Variants in IL1RAPL1 observed in about 807,000 individuals in gnomAD.
IL1RAPL1 encodes interleukin 1 receptor accessory protein like 1.
In IL1RAPL1, 3 loss-of-function variants were observed where a neutral mutation model predicts 48.4. The ratio of observed to expected loss-of-function variants is 0.06; its 90% CI spans 0.03 to 0.16. IL1RAPL1 has a LOEUF of 0.16. Among genes scored for constraint, IL1RAPL1 ranks in the 10% least tolerant of loss-of-function variants. The pLI, the probability that IL1RAPL1 is intolerant of heterozygous loss-of-function variation, is 1.00. For synonymous variants in IL1RAPL1, 185 were observed against 187.7 expected (o/e 0.99, Z 0.12); for missense variants, 349 against 530.6 (o/e 0.66, Z 3.36).
chrX:29,316,054 C>T (rs1272812218), intron 3 of IL1RAPL1, among the ~76,000 whole-genome samples: 1 of 112,100 alleles, frequency 8.9e-6, no homozygotes, highest in East Asian at 2.8e-4. Flanking sequence ...ATGGCTAATA[C>T]CTGAGCCATT....
chrX:28,703,715 G>A (rs1225548706), intron 1 of IL1RAPL1, among the ~76,000 whole-genome samples: 1 of 111,721 alleles, frequency 9.0e-6, no homozygotes, highest in Non-Finnish European at 1.9e-5. Flanking sequence ...TCTCCCATTA[G>A]TGAGAGCAAA....
At chrX:29,839,767 T>TA (rs1234368175) in intron 6 of IL1RAPL1, among the ~76,000 whole-genome samples, 2 of 110,639 alleles carry the variant, frequency 1.8e-5, no homozygotes, top group Admixed American at 9.7e-5. Flanking sequence ...ATATTTTTTT[T>TA]AAAAATTAGC....
intron 2 of IL1RAPL1, among the ~76,000 whole-genome samples, chrX:28,814,701 T>G (rs779390444): frequency 1.8e-5 from 2 of 110,702 alleles, no homozygotes; most frequent in Non-Finnish European, 3.8e-5. Flanking sequence ...ATAGTTGGGT[T>G]AATATGTACA....
chrX:29,854,522 C>T (rs777959011), intron 6 of IL1RAPL1, among the ~76,000 whole-genome samples: 4 of 111,443 alleles, frequency 3.6e-5, no homozygotes, highest in Non-Finnish European at 7.5e-5. Flanking sequence ...TCAGAATTGA[C>T]AAGCCACCCA....
At chrX:29,459,520 C>T (rs1463937220) in intron 5 of IL1RAPL1, among the ~76,000 whole-genome samples, 1 of 110,918 alleles carries the variant, frequency 9.0e-6, no homozygotes, top group Admixed American at 9.6e-5. Context: ...AACAAGCGAG[C>T]GGATTGGAAG....
intron 1 of IL1RAPL1, among the ~76,000 whole-genome samples, chrX:28,776,135 A>G (rs753736592): frequency 2.7e-5 from 3 of 111,730 alleles, no homozygotes; most frequent in South Asian, 7.5e-4. Context: ...TGTCCCCATT[A>G]TAACCTAAAA....
intron 6 of IL1RAPL1, among the ~76,000 whole-genome samples, chrX:29,879,359 G>A (rs56291484): frequency 1.7e-4 from 12 of 70,755 alleles, no homozygotes; most frequent in Admixed American, 4.5e-4. Context: ...TTTTATATAT[G>A]TGTGTGTGTG....
chrX:29,686,070 T>C (rs763749568), intron 6 of IL1RAPL1, among the ~76,000 whole-genome samples: 2 of 111,184 alleles, frequency 1.8e-5, no homozygotes, highest in South Asian at 7.6e-4. Context: ...TTAAAAAATA[T>C]AAGTATTGAT....
intron 2 of IL1RAPL1, among the ~76,000 whole-genome samples, chrX:29,163,270 A>C (rs907315922): frequency 1.8e-5 from 2 of 111,016 alleles, no homozygotes; most frequent in Non-Finnish European, 3.8e-5. Context: ...CTTTAGAGCA[A>C]TGCTTCTCCC....
At chrX:29,211,972 G>C (rs1296497696) in intron 2 of IL1RAPL1, among the ~76,000 whole-genome samples, 1 of 110,334 alleles carries the variant, frequency 9.1e-6, no homozygotes, top group Admixed American at 9.8e-5. Context: ...TACATCTGTG[G>C]CTCAAAGCCT....
chrX:29,361,542 A>AACACACACAC (rs35694893), intron 3 of IL1RAPL1, among the ~76,000 whole-genome samples: 1,477 of 100,991 alleles, frequency 0.015, 27 homozygotes, highest in African/African-American at 0.051. Flanking sequence ...AACTACCTTA[A>AACACACACAC]ACACACACAC....
At chrX:28,882,616 G>C (rs113056192) in intron 2 of IL1RAPL1, among the ~76,000 whole-genome samples, 37,585 of 110,314 alleles carry the variant, frequency 0.34, 4,798 homozygotes, top group African/African-American at 0.43. Flanking sequence ...GCACTCCAGC[G>C]TGGGTCACAA....
At chrX:29,946,430 T>A (rs1040735688) in intron 9 of IL1RAPL1, among the ~76,000 whole-genome samples, 1 of 111,937 alleles carries the variant, frequency 8.9e-6, no homozygotes, top group Non-Finnish European at 1.9e-5. Context: ...TAAGACAATG[T>A]AATCTTGCAT....
intron 5 of IL1RAPL1, among the ~76,000 whole-genome samples, chrX:29,463,195 A>C (rs1934822064): frequency 3.0e-5 from 1 of 33,341 alleles, no homozygotes; most frequent in Non-Finnish European, 6.2e-5. Flanking sequence ...ATGCTTTATC[A>C]AAAAAAAAAA....
chrX:29,600,470 T>C (rs1346355763), intron 5 of IL1RAPL1, among the ~76,000 whole-genome samples: 3 of 111,887 alleles, frequency 2.7e-5, no homozygotes, highest in Non-Finnish European at 5.6e-5. Flanking sequence ...GTTGTATTTT[T>C]GTTTAGTGCA....
chrX:28,724,158 T>C (rs1420191030), intron 1 of IL1RAPL1, among the ~76,000 whole-genome samples: 1 of 111,609 alleles, frequency 9.0e-6, no homozygotes, highest in African/African-American at 3.3e-5. Flanking sequence ...TTATTAACTT[T>C]CTGTCTCATT....
intron 2 of IL1RAPL1, among the ~76,000 whole-genome samples, chrX:28,815,327 C>CT (rs1936850549): frequency 9.1e-6 from 1 of 109,407 alleles, no homozygotes; most frequent in Admixed American, 9.8e-5. Flanking sequence ...GATGTTTTTT[C>CT]TTTTTTTATT....
intron 2 of IL1RAPL1, among the ~76,000 whole-genome samples, chrX:29,246,645 A>G (rs188073812): frequency 8.9e-6 from 1 of 111,913 alleles, no homozygotes; most frequent in African/African-American, 3.2e-5. Flanking sequence ...TTTTGCTTTC[A>G]AGTAGGAAAT....
At chrX:29,365,637 A>T (rs1933442421) in intron 3 of IL1RAPL1, among the ~76,000 whole-genome samples, 1 of 111,524 alleles carries the variant, frequency 9.0e-6, no homozygotes, top group African/African-American at 3.3e-5. Flanking sequence ...GTGAGCCAAG[A>T]TCGTGCCACT....
Sources: gnomAD v4.1 joint callset for allele counts (sites outside exome capture counted in the v4.1 genomes callset) on GRCh38, gnomAD v4.1.1 for gene constraint, MANE v1.5 for transcripts, NCBI Gene and HGNC (gene_info 2026-07-23, HGNC 2026-07-21) for gene names.